Variants in CRYBG1 observed in about 807,000 individuals in gnomAD.
CRYBG1 encodes beta/gamma crystallin domain-containing protein 1.
Under a neutral mutation model 189.2 loss-of-function variants are expected in CRYBG1, and 139 were observed. That is an observed-to-expected ratio of 0.73 (90% CI 0.64 to 0.85). The LOEUF is 0.85. Among genes scored for constraint, CRYBG1 ranks in the 40% least tolerant of loss-of-function variants. CRYBG1 has a pLI of 0.00. For synonymous variants in CRYBG1, 1,023 were observed against 1,017.1 expected, an observed-to-expected ratio of 1.01 and a Z score of -0.11; for missense variants, 2,611 against 2,675.8, an observed-to-expected ratio of 0.98 and a Z score of 0.53.
Position 106,519,413 on chromosome 6 carries a change from A to T in CRYBG1, c.2205A>T (p.Pro735=). ...EMEQPEKKVM[P]NSPQNGVLVK... Reference sequence around the variant, plus strand: ...AGCAACCTGAAAAGAAAGTAATGCCAAACAGTCCCCAGAATGGTGTGCTGG... The same window carrying T: ...AGCAACCTGAAAAGAAAGTAATGCCTAACAGTCCCCAGAATGGTGTGCTGG... The change falls in exon 4 of 22, where the codon CCA becomes CCT. Residue 735 remains proline, a synonymous_variant. Transcript: ENST00000633556. 1 of 1,614,126 alleles carries T rather than the reference A, an allele frequency of 6.2e-7. No individual in the cohort carries two copies. The highest frequency in any genetic ancestry group is 8.5e-7 in the Non-Finnish European group (1 of 1,180,038).
intron 1 of CRYBG1, among the ~76,000 whole-genome samples, chr6:106,414,926 C>T (rs1403299056): frequency 1.3e-5 from 2 of 152,176 alleles, no homozygotes; most frequent in East Asian, 1.9e-4. Context: ...ACAAACCCTG[C>T]TAAAGATGAC....
At chr6:106,504,802 T>G (rs1238567727) in intron 2 of CRYBG1, among the ~76,000 whole-genome samples, 1 of 152,152 alleles carries the variant, frequency 6.6e-6, no homozygotes, top group East Asian at 1.9e-4. Context: ...GTATCAGGGA[T>G]CTGTATGTGG....
chr6:106,469,408 T>C (rs907044017), intron 2 of CRYBG1, among the ~76,000 whole-genome samples: 2 of 152,258 alleles, frequency 1.3e-5, no homozygotes, highest in Admixed American at 1.3e-4. Context: ...TTTTTGTCTC[T>C]TTTGTTCATT....
chr6:106,532,465 T>C lies in CRYBG1; in HGVS notation c.4718+2150T>C, dbSNP rs146359249. Among the ~76,000 whole-genome samples the C allele has an allele frequency of 1.2e-4, 18 of 152,328 alleles. 1 individual carries two copies. In the East Asian group the frequency reaches 3.1e-3, roughly 26 times the overall value. Reference sequence around the variant, plus strand: ...ATCACACAGGAGTTCTATTTTTAATTTTTTGAGGAGCCTCTATACTGTTTT... The same window carrying C: ...ATCACACAGGAGTTCTATTTTTAATCTTTTGAGGAGCCTCTATACTGTTTT... On this transcript the variant is annotated intron_variant, in intron 8 of 21. Transcript: ENST00000633556.
intron 2 of CRYBG1, among the ~76,000 whole-genome samples, chr6:106,474,086 A>G (rs953361925): frequency 6.6e-6 from 1 of 152,208 alleles, no homozygotes; most frequent in Non-Finnish European, 1.5e-5. Flanking sequence ...TATCTTGTTG[A>G]TTACACAATG....
chr6:106,544,442 A>T, intron 11 of CRYBG1, 129 bp from the exon 12 acceptor site: 2 of 1,087,072 alleles, frequency 1.8e-6, no homozygotes, highest in South Asian at 1.6e-5. Context: ...AAAGAATTCC[A>T]ATGATAATAA....
Position 106,377,644 on chromosome 6 carries a change from TATA to T in CRYBG1, c.173+16564_173+16566del, listed in dbSNP as rs1770197592. On this transcript the variant is annotated intron_variant, in intron 1 of 21. Transcript: ENST00000633556. ...TTTTATATATATATATATATATATA[TATA>T]TTTTCATTTGCAGTCTGTCAAAGAT... is the stretch of plus-strand genomic sequence containing the variant. Among the ~76,000 whole-genome samples the T allele has an allele frequency of 2.9e-5, 4 of 140,160 alleles. No homozygotes were observed. The East Asian group carries it at 6.0e-4, about 21-fold the overall frequency. 92.0% of individuals were successfully genotyped at this position (140,160 alleles called of 152,430 possible).
intron 1 of CRYBG1, among the ~76,000 whole-genome samples, chr6:106,436,855 C>T (rs1771470464): frequency 6.6e-6 from 1 of 152,080 alleles, no homozygotes; most frequent in South Asian, 2.1e-4. Flanking sequence ...CATTTTAAGT[C>T]TCTTGATAAG....
intron 1 of CRYBG1, among the ~76,000 whole-genome samples, chr6:106,366,539 C>T (rs1275528445): frequency 2.0e-5 from 3 of 152,234 alleles, no homozygotes; most frequent in African/African-American, 7.2e-5. Flanking sequence ...ATAACAGAAA[C>T]TCAGTAAATA....
chr6:106,558,359 A>G, intron 17 of CRYBG1, 127 bp from the exon 18 acceptor site: 1 of 690,404 alleles, frequency 1.4e-6, no homozygotes, highest in Non-Finnish European at 2.3e-6. Context: ...CCCTTGGAAA[A>G]GGAGTTTATG....
intron 1 of CRYBG1, among the ~76,000 whole-genome samples, chr6:106,440,300 T>C (rs1416354077): frequency 6.6e-6 from 1 of 151,962 alleles, no homozygotes; most frequent in Non-Finnish European, 1.5e-5. Flanking sequence ...AGTCTCTCTC[T>C]GTCACCCAGG....
At chr6:106,555,956 A>T in intron 17 of CRYBG1, 59 bp downstream of exon 17, 2 of 1,597,544 alleles carry the variant, frequency 1.3e-6, no homozygotes, top group South Asian at 2.2e-5. Context: ...GCTGATGGTC[A>T]GAGTGAGGTA....
At chr6:106,488,283 G>A (rs1311012109) in intron 2 of CRYBG1, among the ~76,000 whole-genome samples, 1 of 152,196 alleles carries the variant, frequency 6.6e-6, no homozygotes, top group Non-Finnish European at 1.5e-5. Context: ...GATGCGTATA[G>A]GTTAGGCAGC....
At chr6:106,424,184 C>T (rs1771183253) in intron 1 of CRYBG1, among the ~76,000 whole-genome samples, 1 of 152,134 alleles carries the variant, frequency 6.6e-6, no homozygotes, top group Non-Finnish European at 1.5e-5. Context: ...ATTTCATATC[C>T]AAACTACGTT....
At chr6:106,422,697 T>C (rs1288638188) in intron 1 of CRYBG1, among the ~76,000 whole-genome samples, 1 of 152,160 alleles carries the variant, frequency 6.6e-6, no homozygotes, top group East Asian at 1.9e-4. Context: ...CTTGGGACAA[T>C]TCATGTTGCA....
At position 106,378,311 on chromosome 6, in the gene CRYBG1, A is replaced by G. The variant is rs944889346; in HGVS notation, c.173+17230A>G. On this transcript the variant is annotated intron_variant, in intron 1 of 21. Transcript: ENST00000633556. The stretch of plus-strand genomic sequence containing the variant: ...TCAACTTATTTCTGAAACATCTCCA[A>G]AATTCTGTTCTGAAGCTGGTACGGG... Among the ~76,000 whole-genome samples the G allele has an allele frequency of 2.6e-5, 4 of 152,144 alleles. No homozygotes were observed. In the East Asian group the frequency reaches 5.8e-4, roughly 22 times the overall value.
chr6:106,470,269 G>A (rs931214839), intron 2 of CRYBG1, among the ~76,000 whole-genome samples: 9 of 152,280 alleles, frequency 5.9e-5, no homozygotes, highest in Admixed American at 1.3e-4. Flanking sequence ...AGGGTGCAAT[G>A]AGCTGTGTTC....
At chr6:106,549,672 G>GT (rs1466121360) in intron 13 of CRYBG1, among the ~76,000 whole-genome samples, 1 of 152,172 alleles carries the variant, frequency 6.6e-6, no homozygotes, top group East Asian at 1.9e-4. Context: ...GTAGGGGGCT[G>GT]TATTTCCTGA....
chr6:106,385,601 T>C (rs558763825), intron 1 of CRYBG1, among the ~76,000 whole-genome samples: 1 of 152,218 alleles, frequency 6.6e-6, no homozygotes, highest in Non-Finnish European at 1.5e-5. Context: ...TTCATGCACA[T>C]CCTCCTGAAA....
Sources: allele counts gnomAD v4.1 joint callset (sites outside exome capture counted in the v4.1 genomes callset), GRCh38; gene constraint gnomAD v4.1.1; transcripts MANE v1.5; gene names NCBI Gene and HGNC (gene_info 2026-07-23, HGNC 2026-07-21).